ZNF236: variants seen among roughly 807,000 people sequenced by gnomAD.
ZNF236 encodes the protein zinc finger protein 236.
Under a neutral mutation model 191.2 loss-of-function variants are expected in ZNF236, and 50 were observed. That is an observed-to-expected ratio of 0.26 (90% confidence interval 0.21 to 0.33). ZNF236 has a LOEUF of 0.33. Among genes scored for constraint, ZNF236 ranks in the 10% least tolerant of loss-of-function variants. The probability of loss-of-function intolerance (pLI) is 1.00; values close to 1 mark genes in which losing one functional copy is unlikely to be tolerated. For missense variants in ZNF236, 1,754 were observed against 2,374.5 expected (o/e 0.74, Z 5.43); for synonymous variants, 907 against 928.8 (o/e 0.98, Z 0.43).
chr18:76,940,447 C>G (rs1463523761), intron 26 of ZNF236, among the ~76,000 whole-genome samples: 1 of 152,190 alleles, frequency 6.6e-6, no homozygotes, highest in Non-Finnish European at 1.5e-5. Flanking sequence ...TGAGTCAGCT[C>G]CCAGGGTCCC....
At chr18:76,913,306 A>G (rs893918786) in intron 17 of ZNF236, among the ~76,000 whole-genome samples, 9 of 152,316 alleles carry the variant, frequency 5.9e-5, no homozygotes, top group African/African-American at 2.2e-4. Context: ...TTGTAAACCA[A>G]AGGAGTACAT....
intron 25 of ZNF236, among the ~76,000 whole-genome samples, chr18:76,936,731 A>G (rs550407310): frequency 4.7e-5 from 7 of 148,772 alleles, no homozygotes; most frequent in Non-Finnish European, 1.1e-4. Flanking sequence ...TGGTCTCTTC[A>G]GTTGTGGATG....
At chr18:76,905,584 T>C (rs1217348067) in intron 13 of ZNF236, among the ~76,000 whole-genome samples, 169 bp downstream of exon 13, 2 of 147,888 alleles carry the variant, frequency 1.4e-5, no homozygotes, top group Admixed American at 6.8e-5. Context: ...ATGTAAGTAT[T>C]AGTGTCTAAG....
In ZNF236 at chr18:76,960,737, G is replaced by T; in HGVS notation, c.5301G>T (p.Leu1767=). The change falls in exon 30 of 31, where the codon CTG becomes CTT. Residue 1767 remains leucine (L), a synonymous_variant. Coordinates refer to ENST00000320610, the MANE Select transcript of ZNF236 (RefSeq NM_001306089.2). The surrounding 1 kb of genome is among the most constrained non-coding windows in gnomAD (Gnocchi z 4.4). ...CEKAFNQKSA[L]QVHMKKHTGE... is the part of the protein sequence containing the mutation. ...AAGCCTTCAACCAGAAGAGTGCGCT[G>T]CAGGTGCACATGAAGAAGCACACGG... 6.2e-7 allele frequency: 1 copy of T among 1,614,190 alleles called. No individual in the cohort carries two copies. The highest frequency in any genetic ancestry group is 8.5e-7 in the Non-Finnish European group (1 of 1,180,036).
chr18:76,855,856 A>AAC (rs1438279183), intron 3 of ZNF236, among the ~76,000 whole-genome samples: 2 of 152,200 alleles, frequency 1.3e-5, no homozygotes, highest in African/African-American at 4.8e-5. Context: ...CCTGGCCCAG[A>AAC]ACATCAGTAG....
chr18:76,860,113 T>TG (rs1252826858), intron 3 of ZNF236, among the ~76,000 whole-genome samples: 1 of 152,068 alleles, frequency 6.6e-6, no homozygotes, highest in African/African-American at 2.4e-5. Context: ...GTCAGGGCCA[T>TG]GGGAATGTTG....
At chr18:76,898,901 T>A in intron 10 of ZNF236, 118 bp from the exon 11 acceptor site, 1 of 834,530 alleles carries the variant, frequency 1.2e-6, no homozygotes, top group Non-Finnish European at 1.9e-6. Context: ...ATTATAAGCA[T>A]GGCCTAATAA....
At chr18:76,882,904 A>G (rs1020623510) in intron 9 of ZNF236, among the ~76,000 whole-genome samples, 1 of 152,234 alleles carries the variant, frequency 6.6e-6, no homozygotes, top group African/African-American at 2.4e-5. Context: ...AATCTGATGC[A>G]GATTTATTAC....
chr18:76,868,140 G>A (rs1013348389), intron 3 of ZNF236, among the ~76,000 whole-genome samples: 1 of 152,032 alleles, frequency 6.6e-6, no homozygotes, highest in Non-Finnish European at 1.5e-5. Context: ...GTTACCCCAC[G>A]CCTTGCTTCA....
intron 18 of ZNF236, among the ~76,000 whole-genome samples, chr18:76,914,528 T>C: frequency 6.6e-6 from 1 of 152,212 alleles, no homozygotes; most frequent in Non-Finnish European, 1.5e-5. Context: ...GGGAGGGCTC[T>C]GGTTTCCCCA....
At chr18:76,823,829 AG>A in intron 1 of ZNF236, among the ~76,000 whole-genome samples, 1 of 151,834 alleles carries the variant, frequency 6.6e-6, no homozygotes, top group East Asian at 1.9e-4. Flanking sequence ...GCAGTGGGGT[AG>A]GGGGCGCCGC....
At position 76,914,025 on chromosome 18, in the gene ZNF236, GA is replaced by G; in HGVS notation, c.3061+128del. The G allele has an allele frequency of 2.9e-6, 3 of 1,052,436 alleles. 1 individual carries two copies. 65.2% of individuals were successfully genotyped at this position (1,052,436 alleles called of 1,614,324 possible). On this transcript the variant is annotated intron_variant, in intron 18 of 30. Coordinates refer to ENST00000320610, the MANE Select transcript of ZNF236 (RefSeq NM_001306089.2). ...TTCAGTGATTTTTAGTATGTTCATA[GA>G]GTTCTGCAACCATCAAAACTGTAAT...
chr18:76,853,203 C>T (rs371939970), intron 3 of ZNF236, among the ~76,000 whole-genome samples: 3 of 152,048 alleles, frequency 2.0e-5, no homozygotes, highest in Admixed American at 1.3e-4. Flanking sequence ...CATAGCCTCC[C>T]GAATAGCTGG....
intron 2 of ZNF236, among the ~76,000 whole-genome samples, chr18:76,850,874 G>C (rs1975841122): frequency 6.6e-6 from 1 of 151,802 alleles, no homozygotes; most frequent in Non-Finnish European, 1.5e-5. Flanking sequence ...AAAGTGCTGG[G>C]ATTACAGGTG....
chr18:76,915,267 G>A (rs866341666), intron 18 of ZNF236, among the ~76,000 whole-genome samples: 2 of 152,154 alleles, frequency 1.3e-5, no homozygotes, highest in Non-Finnish European at 2.9e-5. Flanking sequence ...TGAAAAGATG[G>A]ATTGGAGAAA....
At chr18:76,951,086 G>C (rs114010893) in intron 27 of ZNF236, among the ~76,000 whole-genome samples, 1 of 152,214 alleles carries the variant, frequency 6.6e-6, no homozygotes, top group Admixed American at 6.5e-5. Context: ...TGTCATTCAG[G>C]CTTTATTGTT....
chr18:76,826,959 C>T (rs186353237), intron 1 of ZNF236, among the ~76,000 whole-genome samples: 42 of 152,014 alleles, frequency 2.8e-4, no homozygotes, highest in Admixed American at 1.3e-3. Context: ...TGCAATGGCA[C>T]GATCTTGGCT....
intron 28 of ZNF236, among the ~76,000 whole-genome samples, chr18:76,956,450 T>C (rs1436604223): frequency 1.3e-5 from 2 of 152,190 alleles, no homozygotes; most frequent in Non-Finnish European, 2.9e-5. Flanking sequence ...CTTGTCAGAC[T>C]GGCAAAAATG....
intron 13 of ZNF236, 83 bp from the exon 14 acceptor site, chr18:76,908,237 T>C: frequency 2.7e-6 from 4 of 1,480,426 alleles, no homozygotes; most frequent in Non-Finnish European, 3.6e-6. Flanking sequence ...ATTTAATCAA[T>C]GACAACTCTT....
Sources: allele counts gnomAD v4.1 joint callset (sites outside exome capture counted in the v4.1 genomes callset), GRCh38; gene constraint gnomAD v4.1.1; non-coding constraint Gnocchi (gnomAD v3.1); transcripts MANE v1.5; gene names NCBI Gene and HGNC (gene_info 2026-07-23, HGNC 2026-07-21).